SPAM1: variants seen among roughly 807,000 people sequenced by gnomAD.
The protein encoded by SPAM1 is sperm adhesion molecule 1.
Under a neutral mutation model 29.6 loss-of-function variants are expected in SPAM1, and 22 were observed. The ratio of observed to expected loss-of-function variants is 0.74; its 90% CI spans 0.53 to 1.06. The LOEUF (loss-of-function observed/expected upper bound fraction) is 1.06. Ranked by LOEUF, SPAM1 falls within the 50% of genes least tolerant of loss-of-function variation. The probability of loss-of-function intolerance (pLI) is 0.00; values close to 1 mark genes in which losing one functional copy is unlikely to be tolerated. For missense variants in SPAM1, 534 were observed against 604.0 expected, an observed-to-expected ratio of 0.88 and a Z score of 1.21; for synonymous variants, 194 against 204.6, an observed-to-expected ratio of 0.95 and a Z score of 0.44.
At chr7:123,959,416 A>G (rs1227161917) in intron 4 of SPAM1, 68 bp from the exon 5 acceptor site, 2 of 1,159,806 alleles carry the variant, frequency 1.7e-6, no homozygotes, top group Non-Finnish European at 2.4e-6. Flanking sequence ...TGCTTAATAC[A>G]CTAAATTAAT....
At chr7:123,961,952 A>G (rs1033621773), downstream of SPAM1, among the ~76,000 whole-genome samples, 4 of 151,850 alleles carry the variant, frequency 2.6e-5, no homozygotes, top group Non-Finnish European at 4.4e-5. Flanking sequence ...AGTAGGGGGG[A>G]AATCTGTCAC....
chr7:123,960,615 T>G (rs559879494), downstream of SPAM1, among the ~76,000 whole-genome samples: 1 of 152,082 alleles, frequency 6.6e-6, no homozygotes, highest in African/African-American at 2.4e-5. Context: ...GCAGAGCAGT[T>G]GTACCTAAAT....
chr7:123,959,098 T>C (rs1311313594), intron 4 of SPAM1, among the ~76,000 whole-genome samples: 1 of 151,970 alleles, frequency 6.6e-6, no homozygotes, highest in African/African-American at 2.4e-5. Context: ...CTTAAGAAAT[T>C]CCCAAGTTCC....
At chr7:123,941,219 A>G (rs1253052813) in intron 1 of SPAM1, among the ~76,000 whole-genome samples, 1 of 152,162 alleles carries the variant, frequency 6.6e-6, no homozygotes, top group Non-Finnish European at 1.5e-5. Context: ...ACATTTAGAA[A>G]ATTTATTTTG....
exon 6 of SPAM1, chr7:123,970,287 TG>T (rs1792481104): frequency 1.9e-6 from 3 of 1,545,452 alleles, no homozygotes; most frequent in Non-Finnish European, 2.6e-6. Context: ...CCTCTTCCCT[TG>T]GCTTACAGGT....
At position 123,942,568 on chromosome 7, in the gene SPAM1, G is replaced by C. The variant is rs1199837741; in HGVS notation, c.-318-7304G>C. ...GTTTCTTTTTTAAAAAATTGGCTTT[G>C]CTGAAACTTTATTCCATAAGGATTC... On this transcript the variant is annotated intron_variant, in intron 1 of 4. Transcript: ENST00000682466. Among the ~76,000 whole-genome samples, 4 of 152,122 alleles carry C rather than the reference G, an allele frequency of 2.6e-5. 1 individual carries two copies. Among genetic ancestry groups the C allele is most frequent in the Non-Finnish European group, 5.9e-5 (4 of 68,012 alleles).
intron 1 of SPAM1, among the ~76,000 whole-genome samples, chr7:123,933,352 A>G (rs1156637973): frequency 6.6e-6 from 1 of 152,150 alleles, no homozygotes; most frequent in African/African-American, 2.4e-5. Flanking sequence ...TATTGAGACT[A>G]GCAAACAATT....
At chr7:123,948,125 T>G (rs1385097179) in intron 1 of SPAM1, among the ~76,000 whole-genome samples, 1 of 152,160 alleles carries the variant, frequency 6.6e-6, no homozygotes, top group Non-Finnish European at 1.5e-5. Flanking sequence ...TTAAGAAGTT[T>G]CTTAGAAAAA....
chr7:123,962,044 G>C (rs1448828183), downstream of SPAM1, among the ~76,000 whole-genome samples: 1 of 151,946 alleles, frequency 6.6e-6, no homozygotes, highest in Non-Finnish European at 1.5e-5. Context: ...AGATTTGAGT[G>C]GGCTCACAGC....
At chr7:123,958,740 G>C (rs1792300232) in intron 4 of SPAM1, among the ~76,000 whole-genome samples, 1 of 151,812 alleles carries the variant, frequency 6.6e-6, no homozygotes, top group Non-Finnish European at 1.5e-5. Context: ...GCCAAGGCAG[G>C]AGGATTGCTT....
chr7:123,965,056 A>G (rs1366379261), intron 5 of SPAM1, among the ~76,000 whole-genome samples: 1 of 151,970 alleles, frequency 6.6e-6, no homozygotes, highest in African/African-American at 2.4e-5. Flanking sequence ...ACAACTTCTG[A>G]TTTAATTATT....
At chr7:123,965,800 CT>C (rs1792416892) in intron 5 of SPAM1, among the ~76,000 whole-genome samples, 1 of 152,006 alleles carries the variant, frequency 6.6e-6, no homozygotes, top group South Asian at 2.1e-4. Flanking sequence ...TTTTCCATTC[CT>C]TGTGAATTTT....
At chr7:123,946,729 T>C (rs905089693) in intron 1 of SPAM1, among the ~76,000 whole-genome samples, 1 of 152,164 alleles carries the variant, frequency 6.6e-6, no homozygotes, top group African/African-American at 2.4e-5. Context: ...TTTTGAGTCC[T>C]TGATCAGCCT....
At chr7:123,964,315 A>G (rs1218657532), downstream of SPAM1, among the ~76,000 whole-genome samples, 3 of 151,882 alleles carry the variant, frequency 2.0e-5, no homozygotes, top group African/African-American at 7.2e-5. Flanking sequence ...TACAGGATAT[A>G]TTTAATAATA....
intron 5 of SPAM1, among the ~76,000 whole-genome samples, chr7:123,969,748 T>C (rs190744206): frequency 4.6e-5 from 7 of 152,040 alleles, no homozygotes; most frequent in Admixed American, 2.0e-4. Flanking sequence ...TTTGTTCCTT[T>C]TGCTCAGGAT....
intron 4 of SPAM1, among the ~76,000 whole-genome samples, chr7:123,958,428 C>G (rs753717056): frequency 1.1e-4 from 16 of 151,970 alleles, no homozygotes. Context: ...CATTATTTAC[C>G]CATAACTTGA....
At chr7:123,955,875 A>T (rs1049470068) in intron 4 of SPAM1, among the ~76,000 whole-genome samples, 3 of 151,978 alleles carry the variant, frequency 2.0e-5, no homozygotes, top group Non-Finnish European at 4.4e-5. Context: ...AAAGTATTTT[A>T]TGTGTCAGAA....
At chr7:123,965,907 A>C (rs1211750441) in intron 5 of SPAM1, among the ~76,000 whole-genome samples, 3 of 151,880 alleles carry the variant, frequency 2.0e-5, no homozygotes, top group African/African-American at 7.2e-5. Context: ...TGGCCATTTT[A>C]ACAATATTGA....
At chr7:123,964,373 T>G (rs1007128579), downstream of SPAM1, among the ~76,000 whole-genome samples, 1 of 151,958 alleles carries the variant, frequency 6.6e-6, no homozygotes, top group African/African-American at 2.4e-5. Context: ...ATGTATCACA[T>G]ATCACTTCTT....
Sources: gnomAD v4.1 joint callset for allele counts (sites outside exome capture counted in the v4.1 genomes callset) on GRCh38, gnomAD v4.1.1 for gene constraint, MANE v1.5 for transcripts, NCBI Gene and HGNC (gene_info 2026-07-23, HGNC 2026-07-21) for gene names.